TRPM1: variants seen among roughly 807,000 people sequenced by gnomAD.
The protein encoded by TRPM1 is transient receptor potential cation channel subfamily M member 1, also known as TRPM1-203 APA Isoform, Intron 10.
A neutral mutation model predicts 149.4 loss-of-function variants in TRPM1; 113 were observed. The ratio of observed to expected loss-of-function variants is 0.76; its 90% CI spans 0.65 to 0.88. The LOEUF (loss-of-function observed/expected upper bound fraction) is 0.88, where lower values mean the gene tolerates loss of function less well. Ranked by LOEUF, TRPM1 falls within the 40% of genes least tolerant of loss-of-function variation. TRPM1 has a pLI of 0.00. For synonymous variants in TRPM1, 741 were observed against 759.5 expected, an observed-to-expected ratio of 0.98 and a Z score of 0.40; for missense variants, 1,976 against 2,038.7, an observed-to-expected ratio of 0.97 and a Z score of 0.59.
chr15:31,032,671 C>T lies in TRPM1; in HGVS notation c.2952+18G>A, dbSNP rs151104706. ...CAGCCAAAGTCTCTCTGGATACCCA[C>T]AGGATGCCACTACTAACCATCTTTC... On this transcript the variant is annotated intron_variant, in intron 22 of 27. Transcript: ENST00000256552. 2.2e-5 allele frequency: 36 copies of T among 1,614,178 alleles called. 2 individuals are homozygous for T. In the Middle Eastern group the frequency reaches 6.6e-4, roughly 30 times the overall value.
intron 2 of TRPM1, 74 bp from the exon 3 acceptor site, chr15:31,077,058 T>C (rs2034715918): frequency 9.8e-6 from 9 of 915,300 alleles, no homozygotes. Flanking sequence ...CTTATACCTT[T>C]ATAAAACAAT....
rs2033557901 is a variant in TRPM1, at chr15:31,040,026, A to G, written c.2316+92T>C. 8 of 1,140,222 alleles carry G rather than the reference A, an allele frequency of 7.0e-6. No homozygotes were observed. Among genetic ancestry groups the G allele is most frequent in the African/African-American group, 1.5e-5 (1 of 65,568 alleles). The allele number at this position is 1,140,222 out of a possible 1,614,324, so 70.6% of individuals were successfully genotyped here. A position where few individuals can be genotyped will look rare whatever the true frequency, so the allele number is the denominator to read the frequency against. On this transcript the variant is annotated intron_variant, in intron 18 of 27. Coordinates refer to ENST00000256552, the MANE Select transcript of TRPM1 (RefSeq NM_001252024.2). This position sits in a 1 kb window ranked among gnomAD's most constrained non-coding sequence, Gnocchi z 4.2. ...CTCAGGGGGTTGCTAGAAGGAATAA[A>G]TGAAATAAGCCACAGAAAGTGCTCA...
chr15:31,101,873 TC>T, upstream of TRPM1: 1 of 250,044 alleles, frequency 4.0e-6, no homozygotes, highest in Non-Finnish European at 6.3e-6. Context: ...GCCCCAAGCT[TC>T]CAGGCTGTTC....
Position 31,067,955 on chromosome 15 carries a change from T to TTTC in TRPM1, c.414_416dup (p.Lys139dup). The TTTC allele has an allele frequency of 6.2e-7, 1 of 1,614,162 alleles. No homozygotes were observed. The highest frequency in any genetic ancestry group is 8.5e-7 in the Non-Finnish European group (1 of 1,180,026). On this transcript the variant is annotated inframe_insertion, in exon 5 of 28. Transcript: ENST00000256552. ...TGATCAGGCCTTTCCCAAAGACTTG[T>TTTC]TTCAGCTTGGGCTGCATCTCAAAGT...
At chr15:31,052,922 G>A (rs1013342790) in intron 11 of TRPM1, among the ~76,000 whole-genome samples, 3 of 152,216 alleles carry the variant, frequency 2.0e-5, no homozygotes, top group African/African-American at 7.2e-5. Context: ...AAATCCGATG[G>A]ACTTTATGAA....
At chr15:31,006,084 C>G (rs2141105219) in intron 27 of TRPM1, among the ~76,000 whole-genome samples, 1 of 152,346 alleles carries the variant, frequency 6.6e-6, no homozygotes, top group Non-Finnish European at 1.5e-5. Context: ...TATTTTTCAG[C>G]ACATTACAGA....
At position 31,077,474 on chromosome 15, in the gene TRPM1, G is replaced by A. The variant is rs371015417; in HGVS notation, c.4-490C>T. On this transcript the variant is annotated intron_variant, in intron 2 of 27. Coordinates refer to ENST00000256552, the MANE Select transcript of TRPM1 (RefSeq NM_001252024.2). ...GTCACCAGGGACATCTCACACAGAG[G>A]CTGGGCACTGGGAAGTGAACCGGCC... Among the ~76,000 whole-genome samples, 12 of 152,276 alleles carry A rather than the reference G, an allele frequency of 7.9e-5. No individual in the cohort carries two copies. The South Asian group carries it at 2.3e-3, about 29-fold the overall frequency.
intron 1 of TRPM1, among the ~76,000 whole-genome samples, chr15:31,087,201 G>T (rs1340268326): frequency 7.3e-6 from 1 of 137,464 alleles, no homozygotes; most frequent in East Asian, 2.2e-4. Context: ...ATTATCCTAT[G>T]ATCCAGCAGT....
chr15:31,072,598 A>G (rs2034590536), intron 3 of TRPM1, among the ~76,000 whole-genome samples: 1 of 152,148 alleles, frequency 6.6e-6, no homozygotes, highest in African/African-American at 2.4e-5. Context: ...AAGAACCACC[A>G]AACTGTTCTC....
At chr15:31,088,806 G>GGC (rs1555427574) in intron 1 of TRPM1, among the ~76,000 whole-genome samples, 1 of 151,904 alleles carries the variant, frequency 6.6e-6, no homozygotes, top group Non-Finnish European at 1.5e-5. Flanking sequence ...TTCTGCTGGG[G>GGC]GGATGCGTCA....
chr15:31,138,032 A>C (rs909644869), intron 1 of TRPM1, among the ~76,000 whole-genome samples: 2 of 152,210 alleles, frequency 1.3e-5, no homozygotes, highest in African/African-American at 4.8e-5. Context: ...AGAAAGAGGC[A>C]GAATGATATT....
At chr15:31,112,648 T>C (rs2035706322) in intron 1 of TRPM1, among the ~76,000 whole-genome samples, 1 of 152,158 alleles carries the variant, frequency 6.6e-6, no homozygotes, top group African/African-American at 2.4e-5. Flanking sequence ...GAGGGGTTCC[T>C]GATTCAGAGA....
In TRPM1 at chr15:31,035,528, G is replaced by A. The variant is rs918403232; in HGVS notation, c.2700+18C>T. On this transcript the variant is annotated intron_variant, in intron 21 of 27. Coordinates refer to ENST00000256552, the MANE Select transcript of TRPM1 (RefSeq NM_001252024.2). Reference sequence around the variant, plus strand: ...AGTCAGCGGTTAGTGGGCTGGGGGAGGCCTTTGGAGTAGCCACCTCTCGTA... The same window carrying A: ...AGTCAGCGGTTAGTGGGCTGGGGGAAGCCTTTGGAGTAGCCACCTCTCGTA... The A allele has an allele frequency of 6.2e-7, 1 of 1,614,056 alleles. No homozygotes were observed. Among genetic ancestry groups the A allele is most frequent in the Admixed American group, 1.7e-5 (1 of 60,016 alleles).
intron 1 of TRPM1, among the ~76,000 whole-genome samples, chr15:31,113,932 T>A (rs895326969): frequency 6.6e-6 from 1 of 151,286 alleles, no homozygotes; most frequent in Admixed American, 6.6e-5. Flanking sequence ...TATTTGGCCC[T>A]GCCCATGTCC....
intron 4 of TRPM1, chr15:31,069,399 C>G: frequency 1.0e-6 from 1 of 993,704 alleles, no homozygotes; most frequent in South Asian, 4.6e-5. Flanking sequence ...ATTTGGAACA[C>G]AGCTAAATTT....
chr15:31,046,582 G>C (rs2033771440), intron 15 of TRPM1, among the ~76,000 whole-genome samples: 1 of 152,150 alleles, frequency 6.6e-6, no homozygotes, highest in African/African-American at 2.4e-5. Context: ...GATAAGGGTG[G>C]GAAAGGCACT....
intron 3 of TRPM1, among the ~76,000 whole-genome samples, chr15:31,071,642 C>T (rs2034542251): frequency 6.6e-6 from 1 of 151,180 alleles, no homozygotes; most frequent in African/African-American, 2.4e-5. Context: ...AGATATAATT[C>T]ATGTAATACA....
chr15:31,046,045 A>C (rs553314734), intron 16 of TRPM1, among the ~76,000 whole-genome samples, 159 bp downstream of exon 16: 160 of 152,308 alleles, frequency 1.1e-3, no homozygotes, highest in Non-Finnish European at 1.7e-3. Context: ...TTTTATCCCC[A>C]TTAAAGAAAA....
intron 17 of TRPM1, among the ~76,000 whole-genome samples, chr15:31,041,279 C>A (rs576403206): frequency 4.0e-5 from 6 of 151,886 alleles, no homozygotes; most frequent in Non-Finnish European, 7.4e-5. Context: ...CTCAGCCTCC[C>A]GAGTAGCTGG....
Sources: gnomAD v4.1 joint callset for allele counts (sites outside exome capture counted in the v4.1 genomes callset) on GRCh38, gnomAD v4.1.1 for gene constraint, Gnocchi (gnomAD v3.1) non-coding constraint, MANE v1.5 for transcripts, NCBI Gene and HGNC (gene_info 2026-07-23, HGNC 2026-07-21) for gene names.